The following TRUB1 variants were observed in gnomAD, a reference collection of about 807,000 sequenced individuals.
TRUB1 encodes the protein pseudouridylate synthase TRUB1.
TRUB1 carries 23 observed loss-of-function variants against 33.9 expected under a neutral mutation model. The observed-to-expected ratio is 0.68, with a 90% CI of 0.49 to 0.96. TRUB1 has a LOEUF of 0.96. TRUB1 is among the 40% of genes least tolerant of loss of function. The pLI is 0.00. For missense variants in TRUB1, 378 were observed against 422.2 expected (o/e 0.90, Z 0.92); for synonymous variants, 163 against 165.4 (o/e 0.99, Z 0.11).
At chr10:114,943,526 TCAAAA>T (rs111577594) in intron 2 of TRUB1, among the ~76,000 whole-genome samples, 4 of 151,678 alleles carry the variant, frequency 2.6e-5, no homozygotes, top group African/African-American at 4.9e-5. Flanking sequence ...GGAGACTGTC[TCAAAA>T]CAAAACAAAA....
intron 4 of TRUB1, among the ~76,000 whole-genome samples, chr10:114,967,670 T>C (rs984639917): frequency 6.6e-6 from 1 of 152,212 alleles, no homozygotes; most frequent in Non-Finnish European, 1.5e-5. Flanking sequence ...TTACCAAATA[T>C]GTTTATTCTG....
At chr10:114,953,003 A>G (rs2084244032) in intron 3 of TRUB1, among the ~76,000 whole-genome samples, 1 of 152,162 alleles carries the variant, frequency 6.6e-6, no homozygotes, top group African/African-American at 2.4e-5. Context: ...ACGTTAAGGA[A>G]TTTGTTTGGG....
intron 3 of TRUB1, among the ~76,000 whole-genome samples, chr10:114,953,057 G>T (rs1043405641): frequency 6.6e-6 from 1 of 151,870 alleles, no homozygotes; most frequent in Admixed American, 6.6e-5. Context: ...TGAGATATTC[G>T]TTGTTCACCC....
intron 4 of TRUB1, among the ~76,000 whole-genome samples, chr10:114,960,293 C>T (rs1366421997): frequency 3.3e-5 from 5 of 152,124 alleles, no homozygotes; most frequent in Non-Finnish European, 7.4e-5. Flanking sequence ...GGAAGTAAAC[C>T]AGAACTCACT....
intron 2 of TRUB1, 149 bp from the exon 3 acceptor site, chr10:114,950,945 A>C: frequency 1.7e-6 from 1 of 585,226 alleles, no homozygotes; most frequent in Non-Finnish European, 3.0e-6. Flanking sequence ...AACTGTTTGG[A>C]GTAATAGGAG....
chr10:114,953,293 G>T (rs1396254601), intron 3 of TRUB1, among the ~76,000 whole-genome samples: 10 of 151,848 alleles, frequency 6.6e-5, no homozygotes, highest in African/African-American at 2.4e-4. Context: ...AATACCACAG[G>T]CACGTCTTGT....
rs754035471 is a variant in TRUB1, at chr10:114,938,258, C to A, written c.5C>A (p.Ala2Asp). ...ACAGGTCTGGGCTACAAAAGTATGG[C>A]CGCTTCTGAGGCGGCGGTGGTGTCT... M[A>D]ASEAAVVSSP... The change falls in exon 1 of 8, where the codon GCC becomes GAC. Residue 2 changes from alanine to aspartate, a missense_variant. Ala to Asp is a moderately radical substitution (Grantham distance 126). Transcript: ENST00000298746. 1 of 1,614,038 alleles carries A rather than the reference C, an allele frequency of 6.2e-7. No individual in the cohort carries two copies. Among genetic ancestry groups the A allele is most frequent in the African/African-American group, 1.3e-5 (1 of 75,046 alleles).
At chr10:114,939,738 A>G (rs1191643672) in intron 1 of TRUB1, among the ~76,000 whole-genome samples, 2 of 151,766 alleles carry the variant, frequency 1.3e-5, no homozygotes, top group Non-Finnish European at 2.9e-5. Context: ...CATCAAGGAT[A>G]TGTATTGTGG....
intron 6 of TRUB1, among the ~76,000 whole-genome samples, chr10:114,972,493 C>T (rs2084342123): frequency 6.6e-6 from 1 of 152,058 alleles, no homozygotes; most frequent in Non-Finnish European, 1.5e-5. Context: ...ACTGGGCTGA[C>T]TTTTTCATAT....
At chr10:114,964,916 AT>A (rs1409312409) in intron 4 of TRUB1, among the ~76,000 whole-genome samples, 2 of 146,442 alleles carry the variant, frequency 1.4e-5, no homozygotes, top group East Asian at 2.0e-4. Flanking sequence ...TTTCTTATAG[AT>A]TTTTTTCTAT....
chr10:114,947,355 A>G (rs2084215702), intron 2 of TRUB1, among the ~76,000 whole-genome samples: 1 of 152,200 alleles, frequency 6.6e-6, no homozygotes, highest in Non-Finnish European at 1.5e-5. Flanking sequence ...CAGATTGGTA[A>G]TTTGTTAACA....
chr10:114,972,416 T>C (rs2084341166), intron 6 of TRUB1, 142 bp downstream of exon 6: 1 of 980,816 alleles, frequency 1.0e-6, no homozygotes. Context: ...GATTTCTTTA[T>C]ACCTTTTTTG....
chr10:114,953,140 T>C (rs2084244657), intron 3 of TRUB1, among the ~76,000 whole-genome samples: 1 of 152,172 alleles, frequency 6.6e-6, no homozygotes, highest in Non-Finnish European at 1.5e-5. Flanking sequence ...TCAGGCATAT[T>C]TTCAGAAATA....
intron 5 of TRUB1, among the ~76,000 whole-genome samples, chr10:114,971,656 C>T (rs1367486745): frequency 6.6e-6 from 1 of 152,050 alleles, no homozygotes; most frequent in Non-Finnish European, 1.5e-5. Context: ...TCACGAAAAG[C>T]TAAGATACGC....
intron 2 of TRUB1, among the ~76,000 whole-genome samples, chr10:114,944,141 G>C (rs917286678): frequency 1.7e-4 from 25 of 151,324 alleles, no homozygotes; most frequent in Admixed American, 9.9e-4. Context: ...ACATACATTG[G>C]GATCCCTCTC....
chr10:114,946,725 AT>A (rs35412790), intron 2 of TRUB1, among the ~76,000 whole-genome samples: 1 of 151,302 alleles, frequency 6.6e-6, no homozygotes, highest in Non-Finnish European at 1.5e-5. Flanking sequence ...TACTTTCAAC[AT>A]TTTTTTTTGC....
intron 3 of TRUB1, among the ~76,000 whole-genome samples, chr10:114,957,317 T>A (rs528646552): frequency 3.9e-5 from 6 of 152,208 alleles, no homozygotes; most frequent in Non-Finnish European, 8.8e-5. Flanking sequence ...ACCAGACATG[T>A]CTGTTGTTGC....
chr10:114,965,347 T>C (rs1039854060), intron 4 of TRUB1, among the ~76,000 whole-genome samples: 1 of 152,226 alleles, frequency 6.6e-6, no homozygotes, highest in Non-Finnish European at 1.5e-5. Flanking sequence ...TCAAATTTTT[T>C]TTCTGTATCT....
chr10:114,951,029 A>G, intron 2 of TRUB1, 65 bp from the exon 3 acceptor site: 3 of 1,404,944 alleles, frequency 2.1e-6, no homozygotes, highest in East Asian at 2.3e-5. Context: ...ACCAAAAAAT[A>G]TAGCTATTTT....
Sources: gnomAD v4.1 joint callset for allele counts (sites outside exome capture counted in the v4.1 genomes callset) on GRCh38, gnomAD v4.1.1 for gene constraint, MANE v1.5 for transcripts, NCBI Gene and HGNC (gene_info 2026-07-23, HGNC 2026-07-21) for gene names.